CELF4: variants seen among roughly 807,000 people sequenced by gnomAD.
CELF4 encodes the protein CUG-BP- and ETR-3-like factor 4.
Under a neutral mutation model 59.9 loss-of-function variants are expected in CELF4, and 18 were observed. The ratio of observed to expected loss-of-function variants is 0.30; its 90% CI spans 0.21 to 0.45. The LOEUF (loss-of-function observed/expected upper bound fraction) is 0.45, where lower values mean the gene tolerates loss of function less well. Ranked by LOEUF, CELF4 falls within the 20% of genes least tolerant of loss-of-function variation. The probability of loss-of-function intolerance (pLI) is 1.00; values close to 1 mark genes in which losing one functional copy is unlikely to be tolerated. For synonymous variants in CELF4, 261 were observed against 267.1 expected (o/e 0.98, Z 0.22); for missense variants, 456 against 689.0 (o/e 0.66, Z 3.79).
chr18:37,321,459 G>A (rs552596691), intron 3 of CELF4, among the ~76,000 whole-genome samples: 1 of 152,306 alleles, frequency 6.6e-6, no homozygotes, highest in Non-Finnish European at 1.5e-5. Context: ...CCTTCTAACT[G>A]CACAAGCCCC....
intron 2 of CELF4, among the ~76,000 whole-genome samples, chr18:37,482,157 G>A (rs904290418): frequency 3.3e-5 from 5 of 152,168 alleles, no homozygotes; most frequent in Admixed American, 1.3e-4. Context: ...AACTCCAAGC[G>A]GGGAGGTGGA....
intron 2 of CELF4, among the ~76,000 whole-genome samples, chr18:37,444,415 G>A (rs932914986): frequency 6.6e-6 from 1 of 152,110 alleles, no homozygotes; most frequent in African/African-American, 2.4e-5. Context: ...CGTGGGAGGA[G>A]GCAGCGGGCA....
chr18:37,485,688 G>T, intron 1 of CELF4, 81 bp from the exon 2 acceptor site: 1 of 883,174 alleles, frequency 1.1e-6, no homozygotes, highest in Non-Finnish European at 1.5e-6. Flanking sequence ...CGCCCTCCAG[G>T]CTCCCGCCCC....
intron 12 of CELF4, among the ~76,000 whole-genome samples, chr18:37,249,739 CA>C (rs1262722844): frequency 6.6e-6 from 1 of 152,126 alleles, no homozygotes; most frequent in Non-Finnish European, 1.5e-5. Flanking sequence ...GCAGTGGGAT[CA>C]CTGACCGGCA....
chr18:37,515,216 G>T (rs942408453), intron 1 of CELF4, among the ~76,000 whole-genome samples: 1 of 152,182 alleles, frequency 6.6e-6, no homozygotes, highest in African/African-American at 2.4e-5. Context: ...GGAGCCTGGA[G>T]GAGGGGGATT....
intron 2 of CELF4, among the ~76,000 whole-genome samples, chr18:37,352,238 C>T (rs548868695): frequency 2.0e-5 from 3 of 152,222 alleles, no homozygotes; most frequent in Non-Finnish European, 2.9e-5. Flanking sequence ...AACATCAGTG[C>T]AAGCCACCAA....
chr18:37,412,642 G>T (rs1224025662), intron 2 of CELF4, among the ~76,000 whole-genome samples: 1 of 152,134 alleles, frequency 6.6e-6, no homozygotes, highest in Non-Finnish European at 1.5e-5. Context: ...GTGCATGTGT[G>T]TATGAATGGG....
chr18:37,275,076 C>G (rs760032429), intron 4 of CELF4, 39 bp downstream of exon 4: 8 of 1,607,364 alleles, frequency 5.0e-6, no homozygotes, highest in Non-Finnish European at 5.1e-6. Context: ...CGCCTCGCCC[C>G]TCCCTCCGGG....
chr18:37,330,796 A>G (rs2097514840), intron 2 of CELF4, among the ~76,000 whole-genome samples: 1 of 152,144 alleles, frequency 6.6e-6, no homozygotes, highest in Admixed American at 6.5e-5. Context: ...TCACCACCGG[A>G]CAGTCTTGTT....
rs146020721 is a variant in CELF4, at chr18:37,553,227, A to G, written c.286+12129T>C. On this transcript the variant is annotated intron_variant, in intron 1 of 12. Coordinates refer to ENST00000420428, the MANE Select transcript of CELF4 (RefSeq NM_020180.4). The stretch of plus-strand genomic sequence containing the variant: ...ATTGGATAAGAAAATGAGCCTGAAA[A>G]TAAGCCAGTCATACTCTGTGTCTTT... Among the ~76,000 whole-genome samples the G allele has an allele frequency of 9.2e-5, 14 of 152,324 alleles. No homozygotes were observed. In the East Asian group the frequency reaches 2.5e-3, roughly 27 times the overall value.
chr18:37,253,471 C>T lies in CELF4; in HGVS notation c.*44+296G>A. Among the ~76,000 whole-genome samples, 1 of 152,186 alleles carries T rather than the reference C, an allele frequency of 6.6e-6. No individual in the cohort carries two copies. The highest frequency in any genetic ancestry group is 1.5e-5 in the Non-Finnish European group (1 of 68,018). On this transcript the variant is annotated intron_variant, in intron 12 of 12. Coordinates refer to ENST00000420428, the MANE Select transcript of CELF4 (RefSeq NM_020180.4). This position sits in a 1 kb window ranked among gnomAD's most constrained non-coding sequence, Gnocchi z 4.5. ...GTTCACCCCAGGGTTCTCTGGCCAACAGGACTGCCAATGTAGACCCGGAGG... is the reference window on the plus strand; with the variant it reads ...GTTCACCCCAGGGTTCTCTGGCCAATAGGACTGCCAATGTAGACCCGGAGG...
intron 2 of CELF4, among the ~76,000 whole-genome samples, chr18:37,461,085 C>T (rs187124481): frequency 5.3e-5 from 8 of 152,162 alleles, no homozygotes; most frequent in Admixed American, 3.3e-4. Context: ...TGCATGCCTG[C>T]GGTATGAGAG....
chr18:37,405,600 C>G (rs2099382131), intron 2 of CELF4, among the ~76,000 whole-genome samples: 3 of 152,264 alleles, frequency 2.0e-5, no homozygotes, highest in South Asian at 2.1e-4. Flanking sequence ...GAAGCCTTCT[C>G]TCTATAACCA....
intron 3 of CELF4, among the ~76,000 whole-genome samples, chr18:37,290,445 A>G (rs2095257038): frequency 6.6e-6 from 1 of 152,212 alleles, no homozygotes; most frequent in Non-Finnish European, 1.5e-5. Flanking sequence ...TCAAAGTAAA[A>G]CATCTGTCAA....
intron 2 of CELF4, among the ~76,000 whole-genome samples, chr18:37,421,691 G>A (rs548027960): frequency 5.3e-5 from 8 of 152,252 alleles, no homozygotes; most frequent in Non-Finnish European, 7.3e-5. Context: ...AAACAGATCG[G>A]AGGCTCAGGC....
intron 3 of CELF4, among the ~76,000 whole-genome samples, chr18:37,283,005 GGGGGCCTGCAA>G (rs1189630094): frequency 6.6e-6 from 1 of 152,146 alleles, no homozygotes; most frequent in African/African-American, 2.4e-5. Flanking sequence ...GGACGTGTTT[GGGGGCCTGCAA>G]TGGGATGCAA....
rs546228976 is a variant in CELF4, at chr18:37,336,485, C to T, written c.370-14604G>A. Among the ~76,000 whole-genome samples, 19 of 152,312 alleles carry T rather than the reference C, an allele frequency of 1.2e-4. No homozygotes were observed. In the South Asian group the frequency reaches 3.3e-3, roughly 27 times the overall value. ...GCATGAGCCACCCCATGTGGCCTATCCTGTGTAGTTCTTAGCATGGCCTCC... is the reference window on the plus strand; with the variant it reads ...GCATGAGCCACCCCATGTGGCCTATTCTGTGTAGTTCTTAGCATGGCCTCC... On this transcript the variant is annotated intron_variant, in intron 2 of 12. Transcript: ENST00000420428.
At chr18:37,278,571 C>T (rs528324031) in intron 3 of CELF4, among the ~76,000 whole-genome samples, 1 of 152,328 alleles carries the variant, frequency 6.6e-6, no homozygotes, top group African/African-American at 2.4e-5. Context: ...TGATTAGATG[C>T]TCTTGTCATG....
At chr18:37,464,258 G>T (rs569082365) in intron 2 of CELF4, among the ~76,000 whole-genome samples, 2 of 150,374 alleles carry the variant, frequency 1.3e-5, no homozygotes, top group East Asian at 4.0e-4. Context: ...AGTGAAGGAA[G>T]GCAGGAAGGT....
Sources: gnomAD v4.1 joint callset for allele counts (sites outside exome capture counted in the v4.1 genomes callset) on GRCh38, gnomAD v4.1.1 for gene constraint, Gnocchi (gnomAD v3.1) non-coding constraint, MANE v1.5 for transcripts, NCBI Gene and HGNC (gene_info 2026-07-23, HGNC 2026-07-21) for gene names.